The following WDR4 variants were observed in gnomAD, a reference collection of about 807,000 sequenced individuals.
The protein encoded by WDR4 is tRNA (guanine-N(7)-)-methyltransferase non-catalytic subunit WDR4.
Under a neutral mutation model 48.6 loss-of-function variants are expected in WDR4, and 47 were observed. That is an observed-to-expected ratio of 0.97 (90% CI 0.77 to 1.23). The LOEUF is 1.23. Ranked by LOEUF, WDR4 falls within the 50% of genes most tolerant of loss-of-function variation. The probability of loss-of-function intolerance (pLI) is 0.00; values close to 1 mark genes in which losing one functional copy is unlikely to be tolerated. For synonymous variants in WDR4, 268 were observed against 230.0 expected (o/e 1.17, Z -1.49); for missense variants, 606 against 551.6 (o/e 1.10, Z -0.99).
rs779716078 is a variant in WDR4 at position 42,852,249 on chromosome 21, T to C, written c.1045+6A>G. ...CCCCAAGGGCAGCCTGCACCCGTGC[T>C]CTCACCTTCCAGCATGGCCCAGTTC... On this transcript the variant is annotated splice_donor_region_variant and intron_variant, in intron 10 of 10. Transcript: ENST00000398208. The C allele has an allele frequency of 6.2e-7, 1 of 1,614,054 alleles. No homozygotes were observed. Among genetic ancestry groups the C allele is most frequent in the Non-Finnish European group, 8.5e-7 (1 of 1,180,000 alleles).
chr21:42,847,537 A>G (rs555435339), downstream of WDR4, among the ~76,000 whole-genome samples: 8 of 152,344 alleles, frequency 5.3e-5, no homozygotes, highest in African/African-American at 1.7e-4. Context: ...GCCTCAGAGT[A>G]GCCCCGCGGT....
intron 2 of WDR4, among the ~76,000 whole-genome samples, chr21:42,874,316 C>T (rs2058438567): frequency 6.6e-6 from 1 of 152,196 alleles, no homozygotes; most frequent in African/African-American, 2.4e-5. Context: ...ATCTCTTAAT[C>T]CTGTCAGCCG....
chr21:42,856,125 G>A (rs8126760), intron 6 of WDR4, among the ~76,000 whole-genome samples: 59,291 of 152,078 alleles, frequency 0.39, 12,388 homozygotes, highest in African/African-American at 0.53. Context: ...TGCCCGGGCC[G>A]GGCATAGACA....
intron 3 of WDR4, among the ~76,000 whole-genome samples, 198 bp downstream of exon 3, chr21:42,873,353 T>C (rs536510701): frequency 3.9e-5 from 6 of 152,160 alleles, no homozygotes; most frequent in Non-Finnish European, 7.3e-5. Context: ...ACAGCACCCC[T>C]GCACCCTCCC....
At chr21:42,876,200 C>A (rs1374105940) in intron 2 of WDR4, among the ~76,000 whole-genome samples, 2 of 141,004 alleles carry the variant, frequency 1.4e-5, no homozygotes, top group Admixed American at 7.1e-5. Context: ...CCACCGCACC[C>A]GGCACTAACA....
chr21:42,884,381 G>T (rs547695541), upstream of WDR4, among the ~76,000 whole-genome samples: 7 of 152,258 alleles, frequency 4.6e-5, no homozygotes, highest in East Asian at 1.3e-3. Context: ...CTGGGTGATG[G>T]ATCACACCTG....
At chr21:42,863,820 C>T (rs182566528) in intron 3 of WDR4, among the ~76,000 whole-genome samples, 1 of 151,754 alleles carries the variant, frequency 6.6e-6, no homozygotes, top group Non-Finnish European at 1.5e-5. Context: ...AAGAAAATTG[C>T]TCCTAGCCGG....
At position 42,879,452 on chromosome 21, in the gene WDR4, A is replaced by G; in HGVS notation, c.44T>C (p.Val15Ala). Residue 15 changes from valine (V) to alanine (A), a missense_variant, in exon 1 of 11, where the codon GTG becomes GCG. Val to Ala is a moderately conservative substitution (Grantham distance 64, BLOSUM62 0). Coordinates refer to ENST00000398208, the MANE Select transcript of WDR4 (RefSeq NM_018669.6). ...VGLALCGQTLVVRGGSRFLAT... is the reference protein window; with the variant it reads ...VGLALCGQTLAVRGGSRFLAT... The stretch of plus-strand genomic sequence containing the variant: ...CAGGAATCGGCTGCCGCCCCGCACC[A>G]CCAACGTCTGCCCGCACAACGCCAG... 6.2e-7 allele frequency: 1 copy of G among 1,613,552 alleles called. No homozygotes were observed. The highest frequency in any genetic ancestry group is 8.5e-7 in the Non-Finnish European group (1 of 1,179,828).
Position 42,863,459 on chromosome 21 carries a change from A to G in WDR4, c.434T>C (p.Leu145Pro). The part of the protein sequence containing the change: ...HGCGRLELGH[L>P]SMLLDVAVSP... ...ACCTACCACATCTAACAGCATAGAC[A>G]GGTGCCCCAGCTCTAGACGGCCACA... Residue 145 changes from leucine to proline, a missense_variant, in exon 4 of 11, where the codon CTG becomes CCG. By Grantham distance (98) the Leu-to-Pro change is moderately conservative. Transcript: ENST00000398208. 6.2e-7 allele frequency: 1 copy of G among 1,613,318 alleles called. No homozygotes were observed. Among genetic ancestry groups the G allele is most frequent in the Non-Finnish European group, 8.5e-7 (1 of 1,179,670 alleles).
the WDR4 span, among the ~76,000 whole-genome samples, chr21:42,885,377 G>A: frequency 2.0e-5 from 3 of 151,992 alleles, no homozygotes; most frequent in Non-Finnish European, 4.4e-5. Flanking sequence ...TTGGGAAGCC[G>A]AGGCAGGCAG....
At chr21:42,888,171 C>T in the WDR4 span, among the ~76,000 whole-genome samples, 2 of 152,042 alleles carry the variant, frequency 1.3e-5, no homozygotes, top group South Asian at 2.1e-4. Flanking sequence ...TATAAGTGGA[C>T]CCACATAGCT....
chr21:42,849,715 G>C lies in WDR4; in HGVS notation c.*334C>G, dbSNP rs2156316. 85,669 of 229,920 alleles carry C rather than the reference G, an allele frequency of 0.37. 18,043 individuals are homozygous for C. The highest frequency in any genetic ancestry group is 0.64 in the East Asian group (5,328 of 8,358). The allele number at this position is 229,920 out of a possible 1,614,324, so 14.2% of individuals were successfully genotyped here. On this transcript the variant is annotated 3_prime_UTR_variant, in exon 11 of 11. Transcript: ENST00000398208. ...AGATGCTCCTAGAGGAAGATGCAGC[G>C]GACACGAAGGGCGGTATGAGAACAG...
In WDR4 at chr21:42,879,469, C is replaced by G. The variant is rs1284549650; in HGVS notation, c.27G>C (p.Leu9Phe). The change falls in exon 1 of 11, where the codon TTG becomes TTC. Residue 9 changes from leucine (L) to phenylalanine (F), a missense_variant. Physicochemically the swap from Leu to Phe is conservative, Grantham distance 22. Transcript: ENST00000398208. The part of the protein sequence containing the change: MAGSVGLA[L>F]CGQTLVVRGG... ...CCCGCACCACCAACGTCTGCCCGCA[C>G]AACGCCAGTCCCACAGAGCCCGCCA... 4 of 1,613,690 alleles carry G rather than the reference C, an allele frequency of 2.5e-6. No homozygotes were observed. Among genetic ancestry groups the G allele is most frequent in the Non-Finnish European group, 3.4e-6 (4 of 1,179,908 alleles).
intron 1 of WDR4, 52 bp from the exon 2 acceptor site, chr21:42,876,819 AC>A: frequency 6.4e-7 from 1 of 1,559,368 alleles, no homozygotes; most frequent in Non-Finnish European, 8.7e-7. Context: ...GAGAGAAATA[AC>A]AAATTTTTTT....
At position 42,849,909 on chromosome 21, in the gene WDR4, G is replaced by T; in HGVS notation, c.*140C>A. ...GGTGACACAGAATGTTCTTTCTAGA[G>T]CCCAGGGGACAGCCCCATCCTCTGA... On this transcript the variant is annotated 3_prime_UTR_variant, in exon 11 of 11. Coordinates refer to ENST00000398208, the MANE Select transcript of WDR4 (RefSeq NM_018669.6). 6 of 1,029,452 alleles carry T rather than the reference G, an allele frequency of 5.8e-6. No homozygotes were observed. Among genetic ancestry groups the T allele is most frequent in the Non-Finnish European group, 8.5e-6 (6 of 707,282 alleles). 63.8% of individuals were successfully genotyped at this position (1,029,452 alleles called of 1,614,324 possible). A position where few individuals can be genotyped will look rare whatever the true frequency, so the allele number is the denominator to read the frequency against.
chr21:42,858,162 A>C (rs1463201139), intron 6 of WDR4, among the ~76,000 whole-genome samples: 2 of 152,244 alleles, frequency 1.3e-5, no homozygotes, highest in Admixed American at 1.3e-4. Flanking sequence ...AGCAAGAGGC[A>C]GGGGTAGAGA....
chr21:42,874,722 G>A (rs193126909), intron 2 of WDR4, among the ~76,000 whole-genome samples: 10 of 152,042 alleles, frequency 6.6e-5, no homozygotes, highest in South Asian at 4.1e-4. Context: ...GGAGATTCCC[G>A]CCTAATAAAT....
intron 2 of WDR4, among the ~76,000 whole-genome samples, chr21:42,875,201 A>C (rs1249589245): frequency 6.6e-6 from 1 of 152,158 alleles, no homozygotes; most frequent in East Asian, 1.9e-4. Flanking sequence ...GCTTGAGCTC[A>C]GGAGTTCAAG....
intron 4 of WDR4, 31 bp downstream of exon 4, chr21:42,863,409 A>C: frequency 6.3e-7 from 1 of 1,584,736 alleles, no homozygotes; most frequent in Non-Finnish European, 8.6e-7. Flanking sequence ...CACACCTGCC[A>C]TGTCCCCCAC....
Sources: allele counts gnomAD v4.1 joint callset (sites outside exome capture counted in the v4.1 genomes callset), GRCh38; gene constraint gnomAD v4.1.1; transcripts MANE v1.5; gene names NCBI Gene and HGNC (gene_info 2026-07-23, HGNC 2026-07-21).